The following ARHGAP39 variants were observed in gnomAD, a reference collection of about 807,000 sequenced individuals.
ARHGAP39 encodes the protein rho GTPase-activating protein 39.
A neutral mutation model predicts 106.9 loss-of-function variants in ARHGAP39; 44 were observed. The observed-to-expected ratio is 0.41, with a 90% CI of 0.32 to 0.53. The LOEUF (loss-of-function observed/expected upper bound fraction) is 0.53, where lower values mean the gene tolerates loss of function less well. Ranked by LOEUF, ARHGAP39 falls within the 20% of genes least tolerant of loss-of-function variation. The pLI is 0.21. For missense variants in ARHGAP39, 1,496 were observed against 1,577.3 expected, an observed-to-expected ratio of 0.95 and a Z score of 0.87; for synonymous variants, 768 against 693.2, an observed-to-expected ratio of 1.11 and a Z score of -1.69.
At chr8:144,680,670 T>C (rs976223742) in intron 1 of ARHGAP39, among the ~76,000 whole-genome samples, 1 of 151,766 alleles carries the variant, frequency 6.6e-6, no homozygotes, top group Non-Finnish European at 1.5e-5. Flanking sequence ...GAAAAAAAAA[T>C]TATTAATGCT....
At chr8:144,663,176 A>G (rs2129694133) in intron 1 of ARHGAP39, among the ~76,000 whole-genome samples, 1 of 142,496 alleles carries the variant, frequency 7.0e-6, no homozygotes. Context: ...AACCTTCCTC[A>G]CTTGGCCTCT....
chr8:144,670,930 A>G lies in ARHGAP39; in HGVS notation c.-82+14756T>C, dbSNP rs1246312387. On this transcript the variant is annotated intron_variant, in intron 1 of 11. Coordinates refer to ENST00000377307, the MANE Select transcript of ARHGAP39 (RefSeq NM_025251.3). The surrounding 1 kb of genome is among the most constrained non-coding windows in gnomAD (Gnocchi z 4.4). Reference sequence around the variant, plus strand: ...TGGAATGGATGACCAGAAAGGCACGACCACCTAATCCAGCTCTGATGACGC... The same window carrying G: ...TGGAATGGATGACCAGAAAGGCACGGCCACCTAATCCAGCTCTGATGACGC... Among the ~76,000 whole-genome samples, 4 of 152,166 alleles carry G rather than the reference A, an allele frequency of 2.6e-5. No homozygotes were observed. The East Asian group carries it at 7.7e-4, about 29-fold the overall frequency.
intron 1 of ARHGAP39, among the ~76,000 whole-genome samples, chr8:144,617,568 A>G (rs1429247358): frequency 6.6e-6 from 1 of 151,234 alleles, no homozygotes; most frequent in Non-Finnish European, 1.5e-5. Context: ...GCCCCAGGAG[A>G]TAAGAAACTG....
chr8:144,548,651 A>T lies in ARHGAP39; in HGVS notation c.597-162T>A, dbSNP rs1236991493. 6.6e-6 allele frequency among the ~76,000 whole-genome samples: 1 copy of T among 151,996 alleles called. No individual in the cohort carries two copies. Among genetic ancestry groups the T allele is most frequent in the Non-Finnish European group, 1.5e-5 (1 of 67,976 alleles). ...GCGCCCCTCACACCTGCCTTGCCCC[A>T]GCACCCCCAGCCCTCCCTCTGGGGC... is the stretch of plus-strand genomic sequence containing the variant. On this transcript the variant is annotated intron_variant, in intron 4 of 11. Coordinates refer to ENST00000377307, the MANE Select transcript of ARHGAP39 (RefSeq NM_025251.3). This position sits in a 1 kb window ranked among gnomAD's most constrained non-coding sequence, Gnocchi z 7.4.
chr8:144,685,554 G>A (rs1822566816), intron 1 of ARHGAP39, among the ~76,000 whole-genome samples, 132 bp downstream of exon 1: 1 of 148,780 alleles, frequency 6.7e-6, no homozygotes, highest in Admixed American at 6.7e-5. Context: ...AGTCGCCGCG[G>A]GCCTGGATTC....
At chr8:144,555,077 C>A (rs1382964998) in intron 4 of ARHGAP39, among the ~76,000 whole-genome samples, 1 of 152,258 alleles carries the variant, frequency 6.6e-6, no homozygotes, top group Admixed American at 6.5e-5. Flanking sequence ...GAGGGAGCGT[C>A]CTGCCCGCCC....
intron 1 of ARHGAP39, among the ~76,000 whole-genome samples, chr8:144,682,244 C>CAAA (rs1199836499): frequency 9.8e-5 from 3 of 30,668 alleles, no homozygotes; most frequent in African/African-American, 3.0e-4. Context: ...GACTCTATCT[C>CAAA]AAAAAAAAAA....
chr8:144,576,417 A>G (rs1818781083), intron 3 of ARHGAP39, among the ~76,000 whole-genome samples: 1 of 151,580 alleles, frequency 6.6e-6, no homozygotes, highest in Admixed American at 6.6e-5. Context: ...ATAGCCCCAC[A>G]TCACCCCAGC....
chr8:144,544,296 T>A (rs1787568055), intron 6 of ARHGAP39, among the ~76,000 whole-genome samples: 1 of 152,186 alleles, frequency 6.6e-6, no homozygotes, highest in Non-Finnish European at 1.5e-5. Context: ...ACCCTGCCTC[T>A]GTGTGCCCAC....
chr8:144,535,251 T>G (rs1022251692), intron 7 of ARHGAP39, among the ~76,000 whole-genome samples: 1 of 152,180 alleles, frequency 6.6e-6, no homozygotes, highest in Non-Finnish European at 1.5e-5. Context: ...GTGTCTTGAG[T>G]CCATCTCTAA....
rs1047478088 is a variant in ARHGAP39 at position 144,685,808 on chromosome 8, C to T, written c.-204G>A. Among the ~76,000 whole-genome samples, 3 of 147,862 alleles carry T rather than the reference C, an allele frequency of 2.0e-5. No individual in the cohort carries two copies. The highest frequency in any genetic ancestry group is 4.9e-5 in the African/African-American group (2 of 40,996). On this transcript the variant is annotated 5_prime_UTR_variant, in exon 1 of 12. Transcript: ENST00000377307. ...GCCGCTGCTGCCGCGGCAGCCCGTG[C>T]TGTCGGCGTCCTCCGCCGCCGCCGC...
chr8:144,661,975 A>G (rs1821834632), intron 1 of ARHGAP39, among the ~76,000 whole-genome samples: 1 of 124,506 alleles, frequency 8.0e-6, no homozygotes, highest in Non-Finnish European at 1.6e-5. Flanking sequence ...TGGACTGCTC[A>G]CCCTCCCCAT....
At position 144,530,214 on chromosome 8, in the gene ARHGAP39, A is replaced by C; in HGVS notation, c.*208T>G. The stretch of plus-strand genomic sequence containing the variant: ...GGAACTGGCCGTGAGGTGGGGGGCC[A>C]GAGGCGCCCTCCCCGCCGCTGCTGT... On this transcript the variant is annotated 3_prime_UTR_variant, in exon 12 of 12. Coordinates refer to ENST00000377307, the MANE Select transcript of ARHGAP39 (RefSeq NM_025251.3). 1 of 585,164 alleles carries C rather than the reference A, an allele frequency of 1.7e-6. No homozygotes were observed. Among genetic ancestry groups the C allele is most frequent in the East Asian group, 3.0e-5 (1 of 33,142 alleles). The allele number at this position is 585,164 out of a possible 1,614,324, so 36.2% of individuals were successfully genotyped here.
At position 144,548,179 on chromosome 8, in the gene ARHGAP39, AGGAGGGCTGCGAGTCCCC is replaced by A; in HGVS notation, c.889_906del (p.Gly297_Ser302del). ...GGGGGTTCATAGCCATAGCGCGGGG[AGGAGGGCTGCGAGTCCCC>A]GGAGGGCTTTCGGGGCTGGGCCAGC... On this transcript the variant is annotated inframe_deletion, in exon 5 of 12. Coordinates refer to ENST00000377307, the MANE Select transcript of ARHGAP39 (RefSeq NM_025251.3). The surrounding 1 kb of genome is among the most constrained non-coding windows in gnomAD (Gnocchi z 7.4). 6.3e-7 allele frequency: 1 copy of A among 1,578,376 alleles called. No individual in the cohort carries two copies. Among genetic ancestry groups the A allele is most frequent in the Non-Finnish European group, 8.6e-7 (1 of 1,161,306 alleles).
chr8:144,584,951 A>G (rs958002039), intron 2 of ARHGAP39, among the ~76,000 whole-genome samples: 1 of 151,880 alleles, frequency 6.6e-6, no homozygotes. Flanking sequence ...GCCATTCTTG[A>G]CCCTTGGTTC....
At chr8:144,538,374 G>A (rs1426910032) in intron 6 of ARHGAP39, among the ~76,000 whole-genome samples, 1 of 152,200 alleles carries the variant, frequency 6.6e-6, no homozygotes, top group Non-Finnish European at 1.5e-5. Flanking sequence ...CTCCTGTGAG[G>A]TACCGTCTCC....
At chr8:144,572,600 T>A (rs1818624560) in intron 3 of ARHGAP39, among the ~76,000 whole-genome samples, 1 of 152,098 alleles carries the variant, frequency 6.6e-6, no homozygotes. Context: ...CCAAAAACAA[T>A]GGCAACAAAA....
At chr8:144,668,560 G>C (rs1478722824) in intron 1 of ARHGAP39, among the ~76,000 whole-genome samples, 2 of 152,122 alleles carry the variant, frequency 1.3e-5, no homozygotes, top group Non-Finnish European at 2.9e-5. Flanking sequence ...ATTCCATTTA[G>C]AATAACATCA....
At chr8:144,607,494 C>T (rs1002463618) in intron 1 of ARHGAP39, among the ~76,000 whole-genome samples, 1 of 152,220 alleles carries the variant, frequency 6.6e-6, no homozygotes, top group African/African-American at 2.4e-5. Flanking sequence ...TCTGCCGAAC[C>T]GTGGTGGGCA....
Sources: allele counts gnomAD v4.1 joint callset (sites outside exome capture counted in the v4.1 genomes callset), GRCh38; gene constraint gnomAD v4.1.1; non-coding constraint Gnocchi (gnomAD v3.1); transcripts MANE v1.5; gene names NCBI Gene and HGNC (gene_info 2026-07-23, HGNC 2026-07-21).